The following NEK1 variants were observed in gnomAD, a reference collection of about 807,000 sequenced individuals.
The protein encoded by NEK1 is NIMA related kinase 1, also known as serine/threonine-protein kinase Nek1.
In NEK1, 137 loss-of-function variants were observed where a neutral mutation model predicts 182.1. That is an observed-to-expected ratio of 0.75 (90% confidence interval 0.65 to 0.87). The LOEUF is 0.87. NEK1 is among the 40% of genes least tolerant of loss of function. NEK1 has a pLI of 0.00. For synonymous variants in NEK1, 513 were observed against 492.2 expected, an observed-to-expected ratio of 1.04 and a Z score of -0.56; for missense variants, 1,391 against 1,494.4, an observed-to-expected ratio of 0.93 and a Z score of 1.14.
intron 23 of NEK1, among the ~76,000 whole-genome samples, chr4:169,496,245 A>G (rs1244559031): frequency 2.6e-5 from 4 of 151,420 alleles, no homozygotes; most frequent in South Asian, 2.1e-4. Flanking sequence ...ATTTTTGCAC[A>G]TTGATTTTGT....
chr4:169,504,498 G>A (rs571463361), intron 23 of NEK1, among the ~76,000 whole-genome samples: 1 of 152,262 alleles, frequency 6.6e-6, no homozygotes, highest in African/African-American at 2.4e-5. Context: ...ATCAACAGAT[G>A]AGTGGATAAA....
intron 31 of NEK1, among the ~76,000 whole-genome samples, chr4:169,407,893 A>G (rs1197868899): frequency 6.6e-6 from 1 of 152,250 alleles, no homozygotes; most frequent in Non-Finnish European, 1.5e-5. Flanking sequence ...CATAATTTAA[A>G]TGTTCTCACA....
At chr4:169,492,020 A>T (rs1750182088) in intron 23 of NEK1, among the ~76,000 whole-genome samples, 1 of 152,224 alleles carries the variant, frequency 6.6e-6, no homozygotes, top group African/African-American at 2.4e-5. Context: ...TGAGAACGAG[A>T]AAGGAATCAA....
At chr4:169,524,284 G>A (rs1280889040) in intron 19 of NEK1, among the ~76,000 whole-genome samples, 2 of 152,188 alleles carry the variant, frequency 1.3e-5, no homozygotes, top group Admixed American at 1.3e-4. Context: ...GACCAACATG[G>A]TGAAATCCTG....
chr4:169,511,225 A>G (rs1037938957), intron 19 of NEK1, among the ~76,000 whole-genome samples: 7 of 152,128 alleles, frequency 4.6e-5, no homozygotes, highest in Admixed American at 2.6e-4. Context: ...TTACTCACTC[A>G]GTTTCCTCCC....
At chr4:169,491,546 C>A (rs1192416487) in intron 23 of NEK1, among the ~76,000 whole-genome samples, 1 of 152,112 alleles carries the variant, frequency 6.6e-6, no homozygotes, top group Non-Finnish European at 1.5e-5. Context: ...GAAGTAAAGT[C>A]TTTCCCAGAT....
chr4:169,603,199 T>C (rs72974774), intron 2 of NEK1, among the ~76,000 whole-genome samples: 14,719 of 152,188 alleles, frequency 0.097, 790 homozygotes, highest in East Asian at 0.17. Context: ...CTTTCAAACA[T>C]ATTAAGTGTC....
rs372344510 is a variant in NEK1, at chr4:169,449,880, C to G, written c.2588-11621G>C. On this transcript the variant is annotated intron_variant, in intron 27 of 35. Transcript: ENST00000507142. ...GAAGGTCGGTAATAACAAACTTCTC[C>G]TAGCTGAAGGAGGATGTTTGAACTC... is the stretch of plus-strand genomic sequence containing the variant. 7.9e-5 allele frequency among the ~76,000 whole-genome samples: 12 copies of G among 152,278 alleles called. 1 individual carries two copies. The highest frequency in any genetic ancestry group is 2.9e-4 in the African/African-American group (12 of 41,550).
chr4:169,563,302 CAT>C (rs1336757828), intron 12 of NEK1, among the ~76,000 whole-genome samples: 2 of 151,678 alleles, frequency 1.3e-5, no homozygotes, highest in East Asian at 3.9e-4. Context: ...TAGAGGCTAC[CAT>C]GAGCCATGAT....
intron 19 of NEK1, among the ~76,000 whole-genome samples, chr4:169,534,971 A>G (rs1212796959): frequency 6.6e-6 from 1 of 152,202 alleles, no homozygotes; most frequent in African/African-American, 2.4e-5. Flanking sequence ...CAACATGAAG[A>G]AAAGTGGGGG....
At chr4:169,567,487 A>AC (rs1237829470) in intron 12 of NEK1, among the ~76,000 whole-genome samples, 3 of 150,836 alleles carry the variant, frequency 2.0e-5, no homozygotes, top group African/African-American at 4.9e-5. Context: ...TGCAACCTCC[A>AC]CCTCCCAGGT....
intron 5 of NEK1, among the ~76,000 whole-genome samples, chr4:169,592,700 A>T (rs1206503916): frequency 7.6e-3 from 276 of 36,300 alleles, no homozygotes; most frequent in Non-Finnish European, 0.019. Flanking sequence ...ATTTTCTTTA[A>T]AAAAAAAAAA....
intron 30 of NEK1, among the ~76,000 whole-genome samples, chr4:169,425,691 A>C (rs1316602421): frequency 1.3e-5 from 2 of 151,924 alleles, no homozygotes; most frequent in Admixed American, 1.3e-4. Context: ...TAATTTAAAA[A>C]ATTTTTTGTA....
intron 27 of NEK1, among the ~76,000 whole-genome samples, chr4:169,446,257 A>C (rs1409795644): frequency 6.6e-6 from 1 of 152,164 alleles, no homozygotes; most frequent in Non-Finnish European, 1.5e-5. Context: ...CGTTTTGAAA[A>C]GATAAACAAA....
intron 19 of NEK1, among the ~76,000 whole-genome samples, chr4:169,528,108 A>G (rs947076941): frequency 6.6e-6 from 1 of 152,178 alleles, no homozygotes; most frequent in African/African-American, 2.4e-5. Context: ...GGCCTCCATG[A>G]TGCCCAGCTC....
At chr4:169,451,167 A>C (rs746784515) in intron 27 of NEK1, among the ~76,000 whole-genome samples, 1 of 152,280 alleles carries the variant, frequency 6.6e-6, no homozygotes, top group Non-Finnish European at 1.5e-5. Context: ...AGAGACTTAG[A>C]CTCCCACACA....
intron 23 of NEK1, among the ~76,000 whole-genome samples, chr4:169,483,486 G>A (rs373630823): frequency 2.0e-5 from 3 of 152,240 alleles, no homozygotes; most frequent in South Asian, 4.2e-4. Context: ...AAGTATGCCT[G>A]TATTTATTTT....
At chr4:169,469,875 C>G (rs901022904) in intron 26 of NEK1, among the ~76,000 whole-genome samples, 3 of 151,518 alleles carry the variant, frequency 2.0e-5, no homozygotes, top group African/African-American at 7.3e-5. Flanking sequence ...TTATGTAATG[C>G]CATTCTTTGT....
In NEK1 at chr4:169,601,982, T is replaced by C. The variant is rs559635842; in HGVS notation, c.214+26A>G. 15 of 1,499,408 alleles carry C rather than the reference T, an allele frequency of 1.0e-5. No individual in the cohort carries two copies. The African/African-American group carries it at 1.9e-4, about 19-fold the overall frequency. The allele number at this position is 1,499,408 out of a possible 1,614,324, so 92.9% of individuals were successfully genotyped here. On this transcript the variant is annotated intron_variant, in intron 4 of 35. Transcript: ENST00000507142. ...GATTTATTAATGTCTTAGGATTTTT[T>C]AACTCTCTCGCATAATTTATCTGAC...
Sources: gnomAD v4.1 joint callset for allele counts (sites outside exome capture counted in the v4.1 genomes callset) on GRCh38, gnomAD v4.1.1 for gene constraint, MANE v1.5 for transcripts, NCBI Gene and HGNC (gene_info 2026-07-23, HGNC 2026-07-21) for gene names.